TENM3: variants seen among roughly 807,000 people sequenced by gnomAD.
The protein encoded by TENM3 is teneurin transmembrane protein 3.
In TENM3, 63 loss-of-function variants were observed where a neutral mutation model predicts 255.1. That is an observed-to-expected ratio of 0.25 (90% CI 0.20 to 0.30). The LOEUF is 0.30. TENM3 is among the 10% of genes least tolerant of loss of function. TENM3 has a pLI of 1.00. For missense variants in TENM3, 2,929 were observed against 3,461.1 expected (o/e 0.85, Z 3.86); for synonymous variants, 1,306 against 1,322.3 (o/e 0.99, Z 0.27).
the TENM3 span, among the ~76,000 whole-genome samples, chr4:182,122,725 C>T: frequency 6.6e-6 from 1 of 152,104 alleles, no homozygotes; most frequent in Admixed American, 6.5e-5. Flanking sequence ...TGAGCATTGG[C>T]TTCAACTTCA....
the TENM3 span, among the ~76,000 whole-genome samples, chr4:181,485,814 A>C: frequency 1.3e-5 from 2 of 152,192 alleles, no homozygotes; most frequent in Non-Finnish European, 2.9e-5. Flanking sequence ...TCAGTAAAAT[A>C]AGATAAAATC....
chr4:182,526,305 C>T (rs1251189505), intron 3 of TENM3, among the ~76,000 whole-genome samples: 1 of 152,054 alleles, frequency 6.6e-6, no homozygotes, highest in South Asian at 2.1e-4. Context: ...TTATGTATCT[C>T]GTAGAGGCAG....
intron 1 of TENM3, among the ~76,000 whole-genome samples, chr4:182,152,456 C>T (rs1252253348): frequency 6.6e-6 from 1 of 151,742 alleles, no homozygotes; most frequent in Non-Finnish European, 1.5e-5. Context: ...TTTATGCTTC[C>T]TTATATTTTT....
At chr4:181,968,305 C>T in the TENM3 span, among the ~76,000 whole-genome samples, 104 of 152,282 alleles carry the variant, frequency 6.8e-4, no homozygotes, top group Non-Finnish European at 1.0e-3. Context: ...CCCAGTAGGT[C>T]GTGTCCAGCC....
At chr4:182,283,975 AG>A (rs1360856678) in intron 1 of TENM3, among the ~76,000 whole-genome samples, 2 of 152,190 alleles carry the variant, frequency 1.3e-5, no homozygotes, top group Non-Finnish European at 2.9e-5. Flanking sequence ...TGGGAGAGAG[AG>A]GTGCATTACC....
chr4:181,486,755 C>T, the TENM3 span, among the ~76,000 whole-genome samples: 2 of 152,126 alleles, frequency 1.3e-5, no homozygotes. Context: ...CTAGGTTAAA[C>T]AGAAAAGCAG....
the TENM3 span, among the ~76,000 whole-genome samples, chr4:182,051,663 T>C: frequency 6.6e-6 from 1 of 152,252 alleles, no homozygotes; most frequent in African/African-American, 2.4e-5. Flanking sequence ...ATGCTATTTT[T>C]CCTTTCTTAA....
chr4:181,633,776 T>C, the TENM3 span, among the ~76,000 whole-genome samples: 1 of 152,108 alleles, frequency 6.6e-6, no homozygotes, highest in African/African-American at 2.4e-5. Flanking sequence ...ATGCCTGGAG[T>C]GCTTTAGCAC....
At chr4:181,687,774 G>C in the TENM3 span, among the ~76,000 whole-genome samples, 1 of 152,116 alleles carries the variant, frequency 6.6e-6, no homozygotes, top group Non-Finnish European at 1.5e-5. Context: ...AGTAAAGCCT[G>C]GTCAGCCCAA....
At chr4:182,513,584 T>C (rs1737634700) in intron 3 of TENM3, among the ~76,000 whole-genome samples, 1 of 152,048 alleles carries the variant, frequency 6.6e-6, no homozygotes, top group South Asian at 2.1e-4. Context: ...AGAAAGATAA[T>C]TTGTAGTAAG....
chr4:182,744,116 T>TTTTTTAA, intron 19 of TENM3: 70 of 776,878 alleles, frequency 9.0e-5, no homozygotes, highest in Non-Finnish European at 1.0e-4. Flanking sequence ...TTTTTTTTTT[T>TTTTTTAA]ACCTTTTTTT....
the TENM3 span, among the ~76,000 whole-genome samples, chr4:181,512,471 G>A: frequency 3.3e-5 from 5 of 152,192 alleles, no homozygotes; most frequent in Non-Finnish European, 7.3e-5. Flanking sequence ...CCTAAAGTGT[G>A]TGTTTATGAA....
the TENM3 span, among the ~76,000 whole-genome samples, chr4:181,573,087 G>A: frequency 1.3e-5 from 2 of 152,144 alleles, no homozygotes; most frequent in Non-Finnish European, 2.9e-5. Flanking sequence ...TCTTTCTTAT[G>A]ACTGAATAGT....
chr4:182,089,903 A>G, the TENM3 span, among the ~76,000 whole-genome samples: 1 of 152,232 alleles, frequency 6.6e-6, no homozygotes, highest in African/African-American at 2.4e-5. Context: ...TTTGAGGAAA[A>G]GACATAGTTT....
At chr4:181,968,971 TCTCTCTC>T in the TENM3 span, among the ~76,000 whole-genome samples, 1 of 137,504 alleles carries the variant, frequency 7.3e-6, no homozygotes, top group Non-Finnish European at 1.6e-5. Context: ...TGTCTCTCTC[TCTCTCTC>T]TCTCTCTCTC....
chr4:182,629,684 T>A (rs920983191), intron 5 of TENM3, among the ~76,000 whole-genome samples: 5 of 152,146 alleles, frequency 3.3e-5, no homozygotes, highest in African/African-American at 4.8e-5. Flanking sequence ...TTGTGGTTTA[T>A]CCACCAAGAA....
At chr4:181,832,991 A>C in the TENM3 span, among the ~76,000 whole-genome samples, 2 of 152,204 alleles carry the variant, frequency 1.3e-5, no homozygotes, top group Non-Finnish European at 2.9e-5. Flanking sequence ...AACAGATGTG[A>C]GCAAGCAAAA....
At chr4:181,783,052 A>G in the TENM3 span, among the ~76,000 whole-genome samples, 2 of 152,118 alleles carry the variant, frequency 1.3e-5, no homozygotes, top group South Asian at 2.1e-4. Context: ...TATGTGGTCA[A>G]TTTTGGAATA....
chr4:182,326,834 C>A (rs1427407141), intron 2 of TENM3, among the ~76,000 whole-genome samples: 1 of 152,184 alleles, frequency 6.6e-6, no homozygotes. Flanking sequence ...TGAGCCACCA[C>A]GCCCAGCCCA....
Sources: allele counts gnomAD v4.1 joint callset (sites outside exome capture counted in the v4.1 genomes callset), GRCh38; gene constraint gnomAD v4.1.1; transcripts MANE v1.5; gene names NCBI Gene and HGNC (gene_info 2026-07-23, HGNC 2026-07-21).